MFN1: variants seen among roughly 807,000 people sequenced by gnomAD.
MFN1 encodes the protein mitofusin 1, also known as mitofusin-1.
In MFN1, 65 loss-of-function variants were observed where a neutral mutation model predicts 92.4. That is an observed-to-expected ratio of 0.70 (90% CI 0.58 to 0.86). MFN1 has a LOEUF of 0.86. Among genes scored for constraint, MFN1 ranks in the 40% least tolerant of loss-of-function variants. The pLI is 0.00. For synonymous variants in MFN1, 297 were observed against 300.9 expected (o/e 0.99, Z 0.13); for missense variants, 781 against 868.0 (o/e 0.90, Z 1.26).
intron 9 of MFN1, among the ~76,000 whole-genome samples, chr3:179,369,770 A>G (rs904671552): frequency 6.6e-5 from 10 of 152,214 alleles, no homozygotes; most frequent in Admixed American, 5.2e-4. Context: ...AAGTGATTGC[A>G]ATAATCAGAC....
At chr3:179,369,224 C>A (rs994025198) in intron 9 of MFN1, among the ~76,000 whole-genome samples, 1 of 151,690 alleles carries the variant, frequency 6.6e-6, no homozygotes, top group Non-Finnish European at 1.5e-5. Flanking sequence ...TCTTTTTTCT[C>A]TTAAAGAAAT....
intron 14 of MFN1, 117 bp from the exon 15 acceptor site, chr3:179,385,452 C>G: frequency 1.2e-6 from 1 of 811,590 alleles, no homozygotes; most frequent in Non-Finnish European, 1.9e-6. Flanking sequence ...GTGGTGTACT[C>G]ATCATTTAGG....
In MFN1 at chr3:179,394,155, A is replaced by G. The variant is rs976220385; in HGVS notation, c.*2096A>G. On this transcript the variant is annotated 3_prime_UTR_variant, in exon 18 of 18. Transcript: ENST00000471841. Reference sequence around the variant, plus strand: ...AAGCCACCACACACAGCTATAATCAACCTTCAAACTTATAAAAAGTGTGGA... The same window carrying G: ...AAGCCACCACACACAGCTATAATCAGCCTTCAAACTTATAAAAAGTGTGGA... 5 of 152,068 alleles carry G rather than the reference A, an allele frequency of 3.3e-5. No homozygotes were observed. Among genetic ancestry groups the G allele is most frequent in the African/African-American group, 4.8e-5 (2 of 41,376 alleles). The allele number at this position is 152,068 out of a possible 1,614,324, so 9.4% of individuals were successfully genotyped here.
intron 9 of MFN1, among the ~76,000 whole-genome samples, chr3:179,372,323 A>C (rs1713056457): frequency 6.6e-6 from 1 of 151,214 alleles, no homozygotes; most frequent in South Asian, 2.1e-4. Flanking sequence ...TTTCAAGGGA[A>C]ATTGACAAGT....
chr3:179,387,022 C>T (rs1713711961), intron 16 of MFN1, among the ~76,000 whole-genome samples: 1 of 152,018 alleles, frequency 6.6e-6, no homozygotes, highest in African/African-American at 2.4e-5. Context: ...CTCAAGTGAT[C>T]TTACTGCCTC....
intron 9 of MFN1, among the ~76,000 whole-genome samples, chr3:179,368,607 T>C (rs1389030940): frequency 6.6e-6 from 1 of 152,242 alleles, no homozygotes; most frequent in African/African-American, 2.4e-5. Context: ...ACATTCTAAA[T>C]GAATAATTGA....
At position 179,385,714 on chromosome 3, in the gene MFN1, G is replaced by A. The variant is rs1713660408; in HGVS notation, c.1808G>A (p.Gly603Glu). Residue 603 changes from glycine (G) to glutamate (E), a missense_variant, in exon 15 of 18, where the codon GGA becomes GAA. Gly to Glu is a moderately conservative substitution (Grantham distance 98, BLOSUM62 -2). Transcript: ENST00000471841. ...ACTTCTATGGGCATCATTATTGTTG[G>A]AGGAGTGGTAAGAAACATTACTTTT... Reference protein sequence around the residue: ...SRTSMGIIIVGGVIWKTIGWK... With the variant: ...SRTSMGIIIVEGVIWKTIGWK... 5.6e-6 allele frequency: 9 copies of A among 1,612,656 alleles called. No homozygotes were observed. The highest frequency in any genetic ancestry group is 7.6e-6 in the Non-Finnish European group (9 of 1,179,626).
chr3:179,385,548 C>A, intron 14 of MFN1, 21 bp from the exon 15 acceptor site: 1 of 1,478,760 alleles, frequency 6.8e-7, no homozygotes. Flanking sequence ...ATCTTTTTTC[C>A]TTTCTCTTTT....
At chr3:179,356,739 TTCAC>T (rs1712358049) in intron 3 of MFN1, among the ~76,000 whole-genome samples, 1 of 152,112 alleles carries the variant, frequency 6.6e-6, no homozygotes, top group Non-Finnish European at 1.5e-5. Context: ...ATTCTTTAGG[TTCAC>T]AGTTCACTTG....
chr3:179,386,066 G>A (rs886575052), intron 15 of MFN1, among the ~76,000 whole-genome samples: 3 of 152,140 alleles, frequency 2.0e-5, no homozygotes, highest in African/African-American at 4.8e-5. Context: ...TCTGTCTTAA[G>A]TATTAAATGT....
intron 5 of MFN1, among the ~76,000 whole-genome samples, chr3:179,363,942 C>T (rs1417592711): frequency 2.0e-5 from 3 of 151,992 alleles, no homozygotes; most frequent in Non-Finnish European, 4.4e-5. Flanking sequence ...TTCTTCACTG[C>T]AGCTCCTAGT....
chr3:179,358,994 A>G lies in MFN1; in HGVS notation c.403A>G (p.Ser135Gly), dbSNP rs1440351967. 5 of 1,613,632 alleles carry G rather than the reference A, an allele frequency of 3.1e-6. No homozygotes were observed. The highest frequency in any genetic ancestry group is 4.2e-6 in the Non-Finnish European group (5 of 1,179,862). The change falls in exon 4 of 18, where the codon AGT (serine) becomes GGT (glycine). Residue 135 changes from serine (S) to glycine (G), a missense_variant. Ser to Gly is a moderately conservative substitution (Grantham distance 56). Coordinates refer to ENST00000471841, the MANE Select transcript of MFN1 (RefSeq NM_033540.3). ...GACAGAAGGATCAGATGAAAAAAAG[A>G]GTGTGAAGGTATGATCTTTAACCTT... ...LMTEGSDEKK[S>G]VKTVNQLAHA...
At chr3:179,349,512 C>T (rs1025167933) in intron 2 of MFN1, among the ~76,000 whole-genome samples, 3 of 143,304 alleles carry the variant, frequency 2.1e-5, no homozygotes, top group African/African-American at 5.2e-5. Flanking sequence ...GGGAATACTT[C>T]TTTTTTTTTT....
In MFN1 at chr3:179,372,053, TTATTATA is replaced by T. The variant is rs564698602; in HGVS notation, c.976-3150_976-3144del. Among the ~76,000 whole-genome samples, 33 of 147,008 alleles carry T rather than the reference TTATTATA, an allele frequency of 2.2e-4. 2 individuals are homozygous for T. Among genetic ancestry groups the T allele is most frequent in the South Asian group, 1.0e-3 (5 of 4,766 alleles). ...CATGTATTATATATATTATATATAT[TTATTATA>T]TATTATATATTATATAATACATATA... On this transcript the variant is annotated intron_variant, in intron 9 of 17. Coordinates refer to ENST00000471841, the MANE Select transcript of MFN1 (RefSeq NM_033540.3).
intron 3 of MFN1, among the ~76,000 whole-genome samples, chr3:179,355,699 C>A (rs1361905039): frequency 6.6e-6 from 1 of 151,700 alleles, no homozygotes; most frequent in African/African-American, 2.4e-5. Context: ...CACCTATAAT[C>A]CCAGCACTTT....
At position 179,385,574 on chromosome 3, in the gene MFN1, T is replaced by C; in HGVS notation, c.1668T>C (p.Pro556=). 1 of 1,594,914 alleles carries C rather than the reference T, an allele frequency of 6.3e-7. No individual in the cohort carries two copies. Among genetic ancestry groups the C allele is most frequent in the Non-Finnish European group, 8.5e-7 (1 of 1,174,810 alleles). ...LGLSEPIFQL[P]RSLASTPTAP... ...TTTCTCTTTTTTTTTGGCAGCTCCC[T>C]AGATCTTTAGCTTCTACTCCCACTG... The change falls in exon 15 of 18, where the codon CCT becomes CCC. Residue 556 remains proline, a synonymous_variant. Coordinates refer to ENST00000471841, the MANE Select transcript of MFN1 (RefSeq NM_033540.3).
At chr3:179,365,923 G>A (rs1398363067) in intron 7 of MFN1, among the ~76,000 whole-genome samples, 2 of 152,140 alleles carry the variant, frequency 1.3e-5, no homozygotes, top group East Asian at 3.8e-4. Context: ...ACAGTGATGG[G>A]CATTTGGGTT....
chr3:179,382,457 A>G (rs954330973), intron 14 of MFN1, among the ~76,000 whole-genome samples: 5 of 152,138 alleles, frequency 3.3e-5, no homozygotes, highest in African/African-American at 4.8e-5. Flanking sequence ...ACATTTTCTT[A>G]ATCCAGTCTA....
At chr3:179,390,199 A>C in intron 17 of MFN1, 61 bp downstream of exon 17, 1 of 1,312,124 alleles carries the variant, frequency 7.6e-7, no homozygotes, top group Non-Finnish European at 1.0e-6. Context: ...AAAATATGTA[A>C]AATTATTAAT....
Sources: allele counts gnomAD v4.1 joint callset (sites outside exome capture counted in the v4.1 genomes callset), GRCh38; gene constraint gnomAD v4.1.1; transcripts MANE v1.5; gene names NCBI Gene and HGNC (gene_info 2026-07-23, HGNC 2026-07-21).